The following PHACTR1 variants were observed in gnomAD, a reference collection of about 807,000 sequenced individuals.
The protein encoded by PHACTR1 is RPEL repeat containing 1.
A neutral mutation model predicts 69.2 loss-of-function variants in PHACTR1; 16 were observed. That is an observed-to-expected ratio of 0.23 (90% CI 0.16 to 0.35). The LOEUF (loss-of-function observed/expected upper bound fraction) is 0.35. Among genes scored for constraint, PHACTR1 ranks in the 10% least tolerant of loss-of-function variants. PHACTR1 has a pLI of 1.00. For missense variants in PHACTR1, 510 were observed against 734.7 expected (o/e 0.69, Z 3.54); for synonymous variants, 312 against 284.5 (o/e 1.10, Z -0.97).
At chr6:12,897,525 C>A (rs935377186) in intron 4 of PHACTR1, among the ~76,000 whole-genome samples, 2 of 152,082 alleles carry the variant, frequency 1.3e-5, no homozygotes, top group Non-Finnish European at 2.9e-5. Flanking sequence ...GGCTATCACC[C>A]TAACTCCCCC....
chr6:12,746,056 G>T (rs1282867771), intron 3 of PHACTR1, among the ~76,000 whole-genome samples: 1 of 152,204 alleles, frequency 6.6e-6, no homozygotes, highest in Non-Finnish European at 1.5e-5. Flanking sequence ...TGAGTCCTTT[G>T]TATAGGGTAA....
intron 4 of PHACTR1, among the ~76,000 whole-genome samples, chr6:12,802,963 C>G (rs1197445726): frequency 6.6e-6 from 1 of 152,056 alleles, no homozygotes; most frequent in East Asian, 1.9e-4. Flanking sequence ...AGATAAAAAC[C>G]CTATGTGAAG....
rs1321212385 is a variant in PHACTR1, at chr6:12,783,340, C to T, written c.250+33550C>T. 2.0e-5 allele frequency among the ~76,000 whole-genome samples: 3 copies of T among 152,086 alleles called. 1 individual carries two copies. Among genetic ancestry groups the T allele is most frequent in the Non-Finnish European group, 4.4e-5 (3 of 68,014 alleles). ...CCAGAATCTATATGACGGTCAAATG[C>T]CTTTCATTAAAAAAAATTGGATTAA... On this transcript the variant is annotated intron_variant, in intron 4 of 14. Coordinates refer to ENST00000332995, the MANE Select transcript of PHACTR1 (RefSeq NM_030948.6).
intron 4 of PHACTR1, among the ~76,000 whole-genome samples, chr6:12,751,761 C>CTT (rs1766645900): frequency 6.6e-6 from 1 of 152,154 alleles, no homozygotes; most frequent in African/African-American, 2.4e-5. Context: ...CACTCAGTCC[C>CTT]TTCTATATGT....
At chr6:13,168,632 C>T (rs568094349) in intron 6 of PHACTR1, among the ~76,000 whole-genome samples, 1 of 152,268 alleles carries the variant, frequency 6.6e-6, no homozygotes, top group African/African-American at 2.4e-5. Context: ...CATGTGGAAG[C>T]ATCACCCGCC....
chr6:13,243,244 CTT>C lies in PHACTR1; in HGVS notation c.1391+13066_1391+13067del, dbSNP rs58107564. On this transcript the variant is annotated intron_variant, in intron 10 of 14. Coordinates refer to ENST00000332995, the MANE Select transcript of PHACTR1 (RefSeq NM_030948.6). ...AACTTCAACTTGAGTTGTCAGACCA[CTT>C]TTTTTTTTTTTTTTGCGAGATGTTC... Among the ~76,000 whole-genome samples, 1,049 of 136,116 alleles carry C rather than the reference CTT, an allele frequency of 7.7e-3. 12 individuals are homozygous for C. Among genetic ancestry groups the C allele is most frequent in the African/African-American group, 0.026 (965 of 37,746 alleles). 89.3% of individuals were successfully genotyped at this position (136,116 alleles called of 152,430 possible). A position where few individuals can be genotyped will look rare whatever the true frequency, so the allele number is the denominator to read the frequency against.
chr6:12,899,247 C>G (rs545191496), intron 4 of PHACTR1, among the ~76,000 whole-genome samples: 2 of 152,294 alleles, frequency 1.3e-5, no homozygotes, highest in African/African-American at 4.8e-5. Flanking sequence ...GCCTGACATA[C>G]AGTAAGGGAT....
At chr6:12,933,569 G>A in intron 4 of PHACTR1, 1 of 1,589,394 alleles carries the variant, frequency 6.3e-7, no homozygotes, top group Non-Finnish European at 8.6e-7. Flanking sequence ...GATTCTTCTT[G>A]TTATCTCTTT....
intron 4 of PHACTR1, among the ~76,000 whole-genome samples, chr6:12,778,100 GA>G (rs147197434): frequency 1.6e-3 from 239 of 148,194 alleles, no homozygotes; most frequent in Middle Eastern, 0.014. Context: ...CCTTTTAAAA[GA>G]AAAAAAAAAT....
intron 5 of PHACTR1, among the ~76,000 whole-genome samples, chr6:13,145,545 A>T (rs1192087197): frequency 6.6e-6 from 1 of 152,224 alleles, no homozygotes; most frequent in Non-Finnish European, 1.5e-5. Context: ...CACCAAATTC[A>T]TATGTTGGAG....
rs1345690711 is a variant in PHACTR1 at position 12,985,544 on chromosome 6, A to T, written c.251-67821A>T. Among the ~76,000 whole-genome samples the T allele has an allele frequency of 2.3e-5, 3 of 132,008 alleles. 1 individual carries two copies. The East Asian group carries it at 6.3e-4, about 28-fold the overall frequency. The allele number at this position is 132,008 out of a possible 152,430, so 86.6% of individuals were successfully genotyped here. On this transcript the variant is annotated intron_variant, in intron 4 of 14. Transcript: ENST00000332995. Reference sequence around the variant, plus strand: ...ACTACAAATTAAAAAAAAAAAAAATATATATATATATATATATACACAGAG... The same window carrying T: ...ACTACAAATTAAAAAAAAAAAAAATTTATATATATATATATATACACAGAG...
At chr6:12,765,947 G>A (rs1034176562) in intron 4 of PHACTR1, among the ~76,000 whole-genome samples, 21 of 152,110 alleles carry the variant, frequency 1.4e-4, no homozygotes, top group African/African-American at 5.1e-4. Context: ...TTAAAAATAA[G>A]GATGCCTTTG....
intron 5 of PHACTR1, among the ~76,000 whole-genome samples, chr6:13,061,719 C>T (rs1325776061): frequency 1.3e-5 from 2 of 152,054 alleles, no homozygotes; most frequent in Non-Finnish European, 2.9e-5. Context: ...ACTTAATTTG[C>T]CATTTTCAAT....
At chr6:13,075,933 T>G (rs1810391689) in intron 5 of PHACTR1, among the ~76,000 whole-genome samples, 1 of 152,150 alleles carries the variant, frequency 6.6e-6, no homozygotes, top group South Asian at 2.1e-4. Context: ...AGAATTTTTC[T>G]CTTTTCAGTT....
chr6:12,755,901 A>G (rs939181708), intron 4 of PHACTR1, among the ~76,000 whole-genome samples: 5 of 152,168 alleles, frequency 3.3e-5, no homozygotes, highest in African/African-American at 4.8e-5. Context: ...ACAAAACAAA[A>G]TATCTCTTTG....
At chr6:12,749,383 A>C in intron 3 of PHACTR1, 2 of 527,886 alleles carry the variant, frequency 3.8e-6, no homozygotes, top group Non-Finnish European at 7.5e-6. Flanking sequence ...GGCGCCAGCC[A>C]GGGATAGCCT....
intron 4 of PHACTR1, among the ~76,000 whole-genome samples, chr6:12,756,971 A>C (rs146767326): frequency 1.6e-3 from 251 of 152,346 alleles, no homozygotes; most frequent in Non-Finnish European, 2.8e-3. Flanking sequence ...GATCAAAACA[A>C]ATAGCATCTT....
chr6:12,901,309 T>C (rs1215189854), intron 4 of PHACTR1, among the ~76,000 whole-genome samples: 1 of 151,998 alleles, frequency 6.6e-6, no homozygotes, highest in East Asian at 1.9e-4. Context: ...TCATTGTAAG[T>C]GAAGAAAGTA....
chr6:12,761,379 A>G (rs560406849), intron 4 of PHACTR1, among the ~76,000 whole-genome samples: 28 of 152,330 alleles, frequency 1.8e-4, no homozygotes, highest in South Asian at 8.3e-4. Context: ...GCATTTAACA[A>G]TTTTTACATT....
Sources: gnomAD v4.1 joint callset for allele counts (sites outside exome capture counted in the v4.1 genomes callset) on GRCh38, gnomAD v4.1.1 for gene constraint, MANE v1.5 for transcripts, NCBI Gene and HGNC (gene_info 2026-07-23, HGNC 2026-07-21) for gene names.